STXBP6: variants seen among roughly 807,000 people sequenced by gnomAD.
STXBP6 encodes syntaxin binding protein 6.
A neutral mutation model predicts 26.9 loss-of-function variants in STXBP6; 21 were observed. The ratio of observed to expected loss-of-function variants is 0.78; its 90% confidence interval spans 0.55 to 1.12. STXBP6 has a LOEUF of 1.12. STXBP6 is among the 50% of genes most tolerant of loss of function. STXBP6 has a pLI of 0.00. For synonymous variants in STXBP6, 97 were observed against 92.6 expected (o/e 1.05, Z -0.27); for missense variants, 232 against 257.9 (o/e 0.90, Z 0.69).
At chr14:24,861,471 C>A (rs761838429) in intron 2 of STXBP6, among the ~76,000 whole-genome samples, 1 of 152,016 alleles carries the variant, frequency 6.6e-6, no homozygotes, top group Non-Finnish European at 1.5e-5. Flanking sequence ...GGCTACGTGG[C>A]CAAGGTGAGA....
chr14:24,998,909 A>G (rs539695050), intron 1 of STXBP6, among the ~76,000 whole-genome samples: 2 of 152,220 alleles, frequency 1.3e-5, no homozygotes, highest in Admixed American at 1.3e-4. Flanking sequence ...TGACAAAAAT[A>G]CTATTCTTAT....
At chr14:24,847,883 A>T (rs142673963) in intron 4 of STXBP6, among the ~76,000 whole-genome samples, 1 of 152,146 alleles carries the variant, frequency 6.6e-6, no homozygotes, top group Non-Finnish European at 1.5e-5. Flanking sequence ...TAACATGTGC[A>T]CTCTATAAAT....
chr14:25,029,121 A>C (rs76948787), intron 1 of STXBP6, among the ~76,000 whole-genome samples: 12,230 of 152,232 alleles, frequency 0.08, 593 homozygotes, highest in Non-Finnish European at 0.12. Context: ...TGAGGTGATA[A>C]AGCAGCAGCA....
intron 2 of STXBP6, among the ~76,000 whole-genome samples, chr14:24,900,262 A>G (rs2071165492): frequency 6.6e-6 from 1 of 152,288 alleles, no homozygotes. Flanking sequence ...TCTCAGTTCT[A>G]TCAGAACCAC....
intron 2 of STXBP6, among the ~76,000 whole-genome samples, chr14:24,928,701 A>G (rs911942656): frequency 6.6e-6 from 1 of 152,192 alleles, no homozygotes; most frequent in African/African-American, 2.4e-5. Context: ...TCACCAGCTC[A>G]AAGCCTCCAA....
intron 4 of STXBP6, among the ~76,000 whole-genome samples, chr14:24,822,747 A>G (rs145573002): frequency 6.6e-6 from 1 of 152,120 alleles, no homozygotes; most frequent in Non-Finnish European, 1.5e-5. Context: ...GTTCCATTGC[A>G]TGTCATTCTC....
intron 2 of STXBP6, among the ~76,000 whole-genome samples, chr14:24,939,821 TTG>T (rs1346063749): frequency 2.0e-5 from 3 of 152,244 alleles, no homozygotes; most frequent in African/African-American, 7.2e-5. Flanking sequence ...TTTAAAAATC[TTG>T]TGTGTTTTGT....
At chr14:24,946,496 GAGA>G (rs1306663916) in intron 2 of STXBP6, among the ~76,000 whole-genome samples, 1 of 152,192 alleles carries the variant, frequency 6.6e-6, no homozygotes, top group East Asian at 1.9e-4. Flanking sequence ...ATTGAAGGCA[GAGA>G]AGGATTGACT....
chr14:24,892,190 A>C (rs2070812905), intron 2 of STXBP6, among the ~76,000 whole-genome samples: 1 of 146,816 alleles, frequency 6.8e-6, no homozygotes, highest in Non-Finnish European at 1.5e-5. Context: ...TACAAAGGTA[A>C]TGTATACATT....
intron 2 of STXBP6, among the ~76,000 whole-genome samples, chr14:24,903,505 C>T (rs1296137021): frequency 6.6e-6 from 1 of 152,050 alleles, no homozygotes; most frequent in Admixed American, 6.6e-5. Context: ...TTAGTACTGC[C>T]TAACAGTCCC....
chr14:24,888,750 G>C (rs1170046120), intron 2 of STXBP6, among the ~76,000 whole-genome samples: 3 of 151,404 alleles, frequency 2.0e-5, no homozygotes, highest in African/African-American at 7.3e-5. Context: ...ATGGTTCAAA[G>C]TCTGTTCCAG....
chr14:25,037,473 G>C (rs2075575017), intron 1 of STXBP6, among the ~76,000 whole-genome samples: 1 of 152,180 alleles, frequency 6.6e-6, no homozygotes, highest in Admixed American at 6.5e-5. Flanking sequence ...CAGATTAAAA[G>C]ACATCATTCA....
intron 4 of STXBP6, among the ~76,000 whole-genome samples, chr14:24,835,711 T>G (rs1392497686): frequency 5.3e-5 from 8 of 152,214 alleles, no homozygotes; most frequent in African/African-American, 1.9e-4. Context: ...ATTTTGTGGT[T>G]TGGAATAAAC....
intron 2 of STXBP6, among the ~76,000 whole-genome samples, chr14:24,950,662 G>A (rs972760689): frequency 3.3e-5 from 5 of 152,090 alleles, no homozygotes; most frequent in Non-Finnish European, 7.4e-5. Context: ...TCAAGATAAC[G>A]GTTATCCTCT....
intron 2 of STXBP6, among the ~76,000 whole-genome samples, chr14:24,906,137 T>C (rs1453551932): frequency 6.6e-6 from 1 of 152,238 alleles, no homozygotes; most frequent in African/African-American, 2.4e-5. Flanking sequence ...AAAATCATTT[T>C]CATCCCTTAA....
At chr14:24,971,615 T>A (rs1308961688) in intron 2 of STXBP6, among the ~76,000 whole-genome samples, 1 of 152,144 alleles carries the variant, frequency 6.6e-6, no homozygotes, top group Non-Finnish European at 1.5e-5. Flanking sequence ...TAGGAGAAAT[T>A]CAAAATCCTG....
At chr14:24,961,564 G>A (rs1675747298) in intron 2 of STXBP6, among the ~76,000 whole-genome samples, 1 of 152,022 alleles carries the variant, frequency 6.6e-6, no homozygotes, top group Non-Finnish European at 1.5e-5. Context: ...AATACAGAAT[G>A]TTCTCACTTA....
intron 1 of STXBP6, among the ~76,000 whole-genome samples, chr14:24,982,957 C>T (rs936745925): frequency 2.6e-5 from 4 of 152,230 alleles, no homozygotes; most frequent in African/African-American, 9.6e-5. Flanking sequence ...TGAGGTAAGA[C>T]GAAGATTTCA....
chr14:24,863,649 C>T (rs1401729352), intron 2 of STXBP6, among the ~76,000 whole-genome samples: 1 of 152,132 alleles, frequency 6.6e-6, no homozygotes, highest in East Asian at 1.9e-4. Flanking sequence ...TCTTTTCCTG[C>T]AATCCTTATT....
Sources: allele counts gnomAD v4.1 joint callset (sites outside exome capture counted in the v4.1 genomes callset), GRCh38; gene constraint gnomAD v4.1.1; transcripts MANE v1.5; gene names NCBI Gene and HGNC (gene_info 2026-07-23, HGNC 2026-07-21).